The following DNAH6 variants were observed in gnomAD, a reference collection of about 807,000 sequenced individuals.
DNAH6 encodes the protein axonemal beta dynein heavy chain 6.
DNAH6 carries 340 observed loss-of-function variants against 491.4 expected under a neutral mutation model. The observed-to-expected ratio is 0.69, with a 90% CI of 0.63 to 0.76. The LOEUF is 0.76. Ranked by LOEUF, DNAH6 falls within the 30% of genes least tolerant of loss-of-function variation. The pLI, the probability that DNAH6 is intolerant of heterozygous loss-of-function variation, is 0.00. For synonymous variants in DNAH6, 1,603 were observed against 1,686.1 expected (o/e 0.95, Z 1.21); for missense variants, 4,443 against 4,972.2 (o/e 0.89, Z 3.20).
At chr2:84,549,776 T>C in intron 8 of DNAH6, 113 bp from the exon 9 acceptor site, 1 of 742,408 alleles carries the variant, frequency 1.3e-6, no homozygotes, top group Non-Finnish European at 2.1e-6. Context: ...TAAATGGAAA[T>C]TCAAGGAGAA....
chr2:84,506,359 T>A, the DNAH6 span, among the ~76,000 whole-genome samples: 1 of 152,246 alleles, frequency 6.6e-6, no homozygotes, highest in Non-Finnish European at 1.5e-5. Flanking sequence ...GCTGCATAAA[T>A]GTCTTCTTTT....
chr2:84,611,714 A>G lies in DNAH6; in HGVS notation c.3335A>G (p.Glu1112Gly), dbSNP rs1477904803. The change falls in exon 22 of 77, where the codon GAA (glutamate) becomes GGA (glycine). Residue 1112 changes from glutamate to glycine, a missense_variant. Transcript: ENST00000389394. ...TGCCAGAGAAACTGGCTCTACCTAG[A>G]AAGTATTTTCAATGCTCCAGACATT... Reference protein sequence around the residue: ...LTCQRNWLYLESIFNAPDIQR... With the variant: ...LTCQRNWLYLGSIFNAPDIQR... 6 of 1,550,964 alleles carry G rather than the reference A, an allele frequency of 3.9e-6. No individual in the cohort carries two copies. The highest frequency in any genetic ancestry group is 5.2e-6 in the Non-Finnish European group (6 of 1,146,606).
chr2:84,793,273 A>G (rs1677961954), intron 68 of DNAH6, among the ~76,000 whole-genome samples: 1 of 152,236 alleles, frequency 6.6e-6, no homozygotes, highest in Admixed American at 6.5e-5. Flanking sequence ...GACCAAAGCC[A>G]GAAGACTCCT....
At chr2:84,745,347 G>A (rs1221102249) in intron 63 of DNAH6, 98 bp downstream of exon 63, 25 of 981,144 alleles carry the variant, frequency 2.5e-5, no homozygotes, top group Non-Finnish European at 1.5e-5. Flanking sequence ...AGTAACAATG[G>A]CCAAGTTTGG....
At chr2:84,797,756 CTAAA>C in intron 70 of DNAH6, 98 bp downstream of exon 70, 1 of 1,035,224 alleles carries the variant, frequency 9.7e-7, no homozygotes, top group Middle Eastern at 2.1e-4. Context: ...TATAATCTTC[CTAAA>C]TAAACAAATA....
chr2:84,589,711 CAAAAAAAA>C (rs1301777970), intron 16 of DNAH6, among the ~76,000 whole-genome samples: 3 of 58,336 alleles, frequency 5.1e-5, no homozygotes, highest in African/African-American at 1.8e-4. Context: ...GACCCTGTCT[CAAAAAAAA>C]AAAAAAAAAA....
In DNAH6 at chr2:84,805,749, G is replaced by A. The variant is rs267599484; in HGVS notation, c.11566G>A (p.Glu3856Lys). Reference sequence around the variant, plus strand: ...TGGTGGAGAGGGAAAAAGCAATGACGAAATTGTTCAAGAACTTGTTGCTTC... The same window carrying A: ...TGGTGGAGAGGGAAAAAGCAATGACAAAATTGTTCAAGAACTTGTTGCTTC... Reference protein sequence around the residue: ...STGGEGKSNDEIVQELVASVQ... With the variant: ...STGGEGKSNDKIVQELVASVQ... Residue 3856 changes from glutamate to lysine, a missense_variant, in exon 71 of 77, where the codon GAA (glutamate) becomes AAA (lysine). This residue lies in a region of DNAH6 where 1,463 missense variants were observed against 1,656.6 expected (regional missense o/e 0.88). Transcript: ENST00000389394. 7.7e-6 allele frequency: 12 copies of A among 1,551,560 alleles called. No homozygotes were observed. Among genetic ancestry groups the A allele is most frequent in the East Asian group, 2.4e-5 (1 of 40,902 alleles).
At chr2:84,753,046 C>T (rs781316639) in intron 63 of DNAH6, among the ~76,000 whole-genome samples, 3 of 152,178 alleles carry the variant, frequency 2.0e-5, no homozygotes, top group Admixed American at 1.3e-4. Flanking sequence ...TCCAATTTCT[C>T]CACACCCTCA....
upstream of DNAH6, among the ~76,000 whole-genome samples, chr2:84,512,824 A>C (rs1675388426): frequency 1.3e-5 from 2 of 152,182 alleles, no homozygotes; most frequent in South Asian, 4.1e-4. Flanking sequence ...TTTTGCTTAC[A>C]GTATGCATGA....
At chr2:84,686,399 A>G in intron 43 of DNAH6, 85 bp from the exon 44 acceptor site, 1 of 754,876 alleles carries the variant, frequency 1.3e-6, no homozygotes, top group African/African-American at 1.8e-5. Context: ...AGTAAAATGC[A>G]GCTATTATTC....
intron 45 of DNAH6, among the ~76,000 whole-genome samples, chr2:84,691,297 A>G (rs1277716435): frequency 6.6e-6 from 1 of 152,212 alleles, no homozygotes; most frequent in Non-Finnish European, 1.5e-5. Flanking sequence ...GGAAAGAGTG[A>G]CATATAAAGT....
Position 84,785,608 on chromosome 2 carries a change from A to G in DNAH6, c.10954-2A>G, listed in dbSNP as rs1261460581. 2.6e-6 allele frequency: 4 copies of G among 1,527,332 alleles called. No homozygotes were observed. The highest frequency in any genetic ancestry group is 2.5e-5 in the East Asian group (1 of 40,440). 94.6% of individuals were successfully genotyped at this position (1,527,332 alleles called of 1,614,324 possible). A position where few individuals can be genotyped will look rare whatever the true frequency, so the allele number is the denominator to read the frequency against. On this transcript the variant is annotated splice_acceptor_variant, in intron 66 of 76. Transcript: ENST00000389394. LOFTEE classifies it high-confidence loss of function. Reference sequence around the variant, plus strand: ...TGCCACATATATTCTATCTAAATCCAGGTGACCAATGAGCCTCCAAAAGGC... The same window carrying G: ...TGCCACATATATTCTATCTAAATCCGGGTGACCAATGAGCCTCCAAAAGGC...
At chr2:84,810,146 T>C (rs1273780679) in intron 72 of DNAH6, among the ~76,000 whole-genome samples, 1 of 152,052 alleles carries the variant, frequency 6.6e-6, no homozygotes, top group Admixed American at 6.5e-5. Flanking sequence ...TGAATTAGGG[T>C]CCCATCCTCA....
chr2:84,585,355 G>T (rs1683431809), intron 15 of DNAH6, among the ~76,000 whole-genome samples: 1 of 152,170 alleles, frequency 6.6e-6, no homozygotes, highest in African/African-American at 2.4e-5. Context: ...GTGGCCAGTA[G>T]TACCTTTGCC....
At chr2:84,532,133 A>G (rs1223728239) in intron 4 of DNAH6, among the ~76,000 whole-genome samples, 4 of 152,118 alleles carry the variant, frequency 2.6e-5, no homozygotes, top group Non-Finnish European at 4.4e-5. Flanking sequence ...TCATCTATTT[A>G]CCAGCACAAT....
chr2:84,802,369 A>G (rs1212772723), intron 70 of DNAH6, among the ~76,000 whole-genome samples: 1 of 152,216 alleles, frequency 6.6e-6, no homozygotes, highest in Non-Finnish European at 1.5e-5. Flanking sequence ...AAAAAGATCT[A>G]TCATGCAAAC....
At chr2:84,741,524 T>G (rs1672524837) in intron 62 of DNAH6, among the ~76,000 whole-genome samples, 1 of 152,096 alleles carries the variant, frequency 6.6e-6, no homozygotes, top group African/African-American at 2.4e-5. Context: ...AAGGGCACCT[T>G]GGGCCTGGGG....
At chr2:84,504,931 C>T in the DNAH6 span, among the ~76,000 whole-genome samples, 2 of 152,124 alleles carry the variant, frequency 1.3e-5, no homozygotes, top group African/African-American at 4.8e-5. Flanking sequence ...TGTATTGAAT[C>T]TGTACATCAA....
At position 84,819,291 on chromosome 2, in the gene DNAH6, A is replaced by G. The variant is rs1193930096; in HGVS notation, c.12374-14A>G. On this transcript the variant is annotated splice_polypyrimidine_tract_variant and intron_variant, in intron 76 of 76. Transcript: ENST00000389394. ...TCTTAAGTAACAACCTTTTTTTCCT[A>G]TATCCTTAATTAGGACATTCAACCA... 3 of 1,521,450 alleles carry G rather than the reference A, an allele frequency of 2.0e-6. No homozygotes were observed. Among genetic ancestry groups the G allele is most frequent in the Admixed American group, 2.1e-5 (1 of 48,652 alleles). The allele number at this position is 1,521,450 out of a possible 1,614,324, so 94.2% of individuals were successfully genotyped here. A position where few individuals can be genotyped will look rare whatever the true frequency, so the allele number is the denominator to read the frequency against.
Sources: gnomAD v4.1 joint callset for allele counts (sites outside exome capture counted in the v4.1 genomes callset) on GRCh38, gnomAD v4.1.1 for gene constraint, gnomAD v4.1.1 regional missense constraint, MANE v1.5 for transcripts, NCBI Gene and HGNC (gene_info 2026-07-23, HGNC 2026-07-21) for gene names.